The following CEMIP2 variants were observed in gnomAD, a reference collection of about 807,000 sequenced individuals.
CEMIP2 encodes cell surface hyaluronidase CEMIP2.
CEMIP2 carries 79 observed loss-of-function variants against 146.9 expected under a neutral mutation model. The observed-to-expected ratio is 0.54, with a 90% CI of 0.45 to 0.65. The LOEUF is 0.65. Ranked by LOEUF, CEMIP2 falls within the 30% of genes least tolerant of loss-of-function variation. The pLI, the probability that CEMIP2 is intolerant of heterozygous loss-of-function variation, is 0.00. For missense variants in CEMIP2, 1,596 were observed against 1,696.2 expected (o/e 0.94, Z 1.04); for synonymous variants, 601 against 606.3 (o/e 0.99, Z 0.13).
chr9:71,704,045 C>G (rs191855326), intron 18 of CEMIP2, among the ~76,000 whole-genome samples: 58 of 152,224 alleles, frequency 3.8e-4, no homozygotes, highest in Admixed American at 2.4e-3. Context: ...TTGAATAAAT[C>G]AATTATAAAA....
At chr9:71,748,895 T>G (rs368053708) in intron 2 of CEMIP2, among the ~76,000 whole-genome samples, 1 of 152,236 alleles carries the variant, frequency 6.6e-6, no homozygotes, top group Non-Finnish European at 1.5e-5. Context: ...TTATAAGTAG[T>G]AAAATGCCTC....
At chr9:71,707,534 A>C (rs1265551419) in intron 17 of CEMIP2, among the ~76,000 whole-genome samples, 2 of 152,210 alleles carry the variant, frequency 1.3e-5, no homozygotes, top group African/African-American at 4.8e-5. Context: ...GTCGTAATTC[A>C]AAGTCAGAAG....
rs114799265 is a variant in CEMIP2, at chr9:71,697,277, C to T, written c.3597+708G>A. Among the ~76,000 whole-genome samples, 616 of 152,304 alleles carry T rather than the reference C, an allele frequency of 4.0e-3. 5 individuals are homozygous for T. Among genetic ancestry groups the T allele is most frequent in the African/African-American group, 0.014 (599 of 41,550 alleles). On this transcript the variant is annotated intron_variant, in intron 20 of 23. Transcript: ENST00000377044. Reference sequence around the variant, plus strand: ...TGTGAAATATAAATCAGGGCAGCTCCATCCTTTGTTTTTTCACTTGGAATT... The same window carrying T: ...TGTGAAATATAAATCAGGGCAGCTCTATCCTTTGTTTTTTCACTTGGAATT...
intron 22 of CEMIP2, chr9:71,687,204 G>C (rs1822088934): frequency 6.6e-6 from 1 of 152,148 alleles, no homozygotes; most frequent in Admixed American, 6.5e-5. Context: ...AGTATCAACT[G>C]TCAAGTACAG....
intron 15 of CEMIP2, 21 bp from the exon 16 acceptor site, chr9:71,712,281 G>T (rs1367312034): frequency 3.1e-6 from 5 of 1,611,804 alleles, no homozygotes; most frequent in Non-Finnish European, 3.4e-6. Flanking sequence ...ACAAGATTTT[G>T]TTTAATGCAT....
At chr9:71,765,422 TC>T (rs1034917572) in intron 1 of CEMIP2, among the ~76,000 whole-genome samples, 2 of 152,132 alleles carry the variant, frequency 1.3e-5, no homozygotes, top group African/African-American at 4.8e-5. Context: ...ATTTTAAAAC[TC>T]CTTTTTCAGG....
chr9:71,716,748 T>C (rs1823068175), intron 13 of CEMIP2, among the ~76,000 whole-genome samples, 196 bp from the exon 14 acceptor site: 1 of 152,238 alleles, frequency 6.6e-6, no homozygotes, highest in Admixed American at 6.5e-5. Flanking sequence ...AATCCGGGCT[T>C]TGTCAATTAT....
chr9:71,719,146 A>G (rs1023477117), intron 12 of CEMIP2, among the ~76,000 whole-genome samples: 13 of 152,200 alleles, frequency 8.5e-5, no homozygotes, highest in African/African-American at 3.1e-4. Flanking sequence ...GAAGAAAAAA[A>G]GAAATCACAG....
intron 1 of CEMIP2, among the ~76,000 whole-genome samples, chr9:71,754,527 T>C (rs1025519823): frequency 5.3e-5 from 8 of 152,302 alleles, no homozygotes; most frequent in African/African-American, 1.4e-4. Context: ...ACACATGCTA[T>C]GAAGAAGGAG....
chr9:71,737,907 C>A (rs1000812468), intron 5 of CEMIP2, among the ~76,000 whole-genome samples: 1 of 151,984 alleles, frequency 6.6e-6, no homozygotes, highest in Non-Finnish European at 1.5e-5. Context: ...TTGTTGAGAT[C>A]CCACATGCAT....
chr9:71,725,479 T>C, intron 11 of CEMIP2, 102 bp downstream of exon 11: 1 of 1,269,932 alleles, frequency 7.9e-7, no homozygotes, highest in South Asian at 1.6e-5. Context: ...TAGTCTGTGA[T>C]ATTCTACTAC....
chr9:71,690,443 T>G (rs1822195450), intron 21 of CEMIP2, among the ~76,000 whole-genome samples, 197 bp from the exon 22 acceptor site: 1 of 152,250 alleles, frequency 6.6e-6, no homozygotes, highest in African/African-American at 2.4e-5. Flanking sequence ...TGCCTATAGA[T>G]TCTGCCTTGA....
chr9:71,753,090 C>T (rs1216794020), intron 1 of CEMIP2, among the ~76,000 whole-genome samples: 1 of 152,076 alleles, frequency 6.6e-6, no homozygotes, highest in African/African-American at 2.4e-5. Flanking sequence ...ACAATAAAGA[C>T]CCCGTTATGA....
rs1268799624 is a variant in CEMIP2 at position 71,685,636 on chromosome 9, A to T, written c.3955+107T>A. Reference sequence around the variant, plus strand: ...TTTAGAAATCATCTTAATGATACCCACTCCAGCAAACAAGCTCATGAAAAT... The same window carrying T: ...TTTAGAAATCATCTTAATGATACCCTCTCCAGCAAACAAGCTCATGAAAAT... On this transcript the variant is annotated intron_variant, in intron 23 of 23. Transcript: ENST00000377044. 8 of 945,162 alleles carry T rather than the reference A, an allele frequency of 8.5e-6. No homozygotes were observed. The African/African-American group carries it at 1.3e-4, about 16-fold the overall frequency. The allele number at this position is 945,162 out of a possible 1,614,324, so 58.5% of individuals were successfully genotyped here.
chr9:71,683,519 AACACACACAC>A lies in CEMIP2; in HGVS notation c.*1668_*1677del, dbSNP rs59888879. 1.5e-5 allele frequency: 2 copies of A among 134,574 alleles called. No individual in the cohort carries two copies. The highest frequency in any genetic ancestry group is 3.1e-5 in the Non-Finnish European group (2 of 64,046). 8.3% of individuals were successfully genotyped at this position (134,574 alleles called of 1,614,324 possible). A position where few individuals can be genotyped will look rare whatever the true frequency, so the allele number is the denominator to read the frequency against. On this transcript the variant is annotated 3_prime_UTR_variant, in exon 24 of 24. Coordinates refer to ENST00000377044, the MANE Select transcript of CEMIP2 (RefSeq NM_013390.3). Reference sequence around the variant, plus strand: ...ACACGTAAAGATATTTAAGTCATAAAACACACACACACACACACACACACACACACACTCT... The same window carrying A: ...ACACGTAAAGATATTTAAGTCATAAAACACACACACACACACACACACTCT...
At chr9:71,768,883 C>G (rs1445954201), upstream of CEMIP2, 1 of 34,008 alleles carries the variant, frequency 2.9e-5, no homozygotes, top group Non-Finnish European at 5.4e-5. Flanking sequence ...TCGGCTGGGC[C>G]GGGAACTGTG....
At chr9:71,729,950 T>A (rs1424196802) in intron 9 of CEMIP2, 36 bp from the exon 10 acceptor site, 1 of 1,613,284 alleles carries the variant, frequency 6.2e-7, no homozygotes, top group Non-Finnish European at 8.5e-7. Context: ...TAAACATTCT[T>A]CATAAAAACT....
At chr9:71,689,458 G>A (rs1023578890) in intron 22 of CEMIP2, among the ~76,000 whole-genome samples, 5 of 152,194 alleles carry the variant, frequency 3.3e-5, no homozygotes, top group African/African-American at 7.2e-5. Flanking sequence ...GAAAAAGAAA[G>A]GTTTCTCTCC....
intron 5 of CEMIP2, among the ~76,000 whole-genome samples, chr9:71,736,470 G>A (rs960533454): frequency 1.3e-5 from 2 of 152,188 alleles, no homozygotes; most frequent in African/African-American, 4.8e-5. Flanking sequence ...GATCTGCAAT[G>A]TAACCTGAGG....
Sources: gnomAD v4.1 joint callset for allele counts (sites outside exome capture counted in the v4.1 genomes callset) on GRCh38, gnomAD v4.1.1 for gene constraint, MANE v1.5 for transcripts, NCBI Gene and HGNC (gene_info 2026-07-23, HGNC 2026-07-21) for gene names.